HBS1L: variants seen among roughly 807,000 people sequenced by gnomAD.
HBS1L encodes the protein HBS1-like protein.
HBS1L carries 55 observed loss-of-function variants against 88.9 expected under a neutral mutation model. The ratio of observed to expected loss-of-function variants is 0.62; its 90% CI spans 0.50 to 0.77. The LOEUF is 0.77. HBS1L is among the 30% of genes least tolerant of loss of function. The pLI is 0.00. For missense variants in HBS1L, 741 were observed against 829.3 expected (o/e 0.89, Z 1.31); for synonymous variants, 267 against 288.5 (o/e 0.93, Z 0.76).
intron 2 of HBS1L, among the ~76,000 whole-genome samples, chr6:135,050,309 T>C (rs558938986): frequency 2.0e-5 from 3 of 152,316 alleles, no homozygotes; most frequent in African/African-American, 7.2e-5. Context: ...AAATTACCAT[T>C]TTAGTATATT....
At chr6:135,001,477 TCC>T (rs937325193) in intron 5 of HBS1L, among the ~76,000 whole-genome samples, 106 of 149,532 alleles carry the variant, frequency 7.1e-4, no homozygotes, top group African/African-American at 1.7e-3. Context: ...TCTATTTATT[TCC>T]CCCCTCTCTC....
At chr6:135,004,518 G>GA (rs11433393) in intron 4 of HBS1L, among the ~76,000 whole-genome samples, 71,843 of 151,750 alleles carry the variant, frequency 0.47, 17,241 homozygotes, top group South Asian at 0.56. Context: ...AGTGAGAGCA[G>GA]AGGGGAGCTA....
chr6:134,964,935 A>G lies in HBS1L; in HGVS notation c.*344T>C. ...AATTGAATCAAAAGAGAAAACTGCA[A>G]ATACATTGTGCTTTGGCCAGAAGTA... On this transcript the variant is annotated 3_prime_UTR_variant, in exon 18 of 18. Transcript: ENST00000367837. The G allele has an allele frequency of 3.4e-6, 1 of 292,708 alleles. No homozygotes were observed. The highest frequency in any genetic ancestry group is 6.4e-6 in the Non-Finnish European group (1 of 157,058). 18.1% of individuals were successfully genotyped at this position (292,708 alleles called of 1,614,324 possible).
intron 15 of HBS1L, among the ~76,000 whole-genome samples, chr6:134,973,749 C>G (rs1774561262): frequency 6.6e-6 from 1 of 151,782 alleles, no homozygotes; most frequent in South Asian, 2.1e-4. Flanking sequence ...GGCAGGAGAA[C>G]TGCTTGAGCC....
At chr6:134,978,883 TTAAG>T in intron 14 of HBS1L, 96 bp from the exon 15 acceptor site, 1 of 745,962 alleles carries the variant, frequency 1.3e-6, no homozygotes, top group Admixed American at 2.6e-5. Context: ...AGTAAAACAA[TTAAG>T]TAAATTAGGG....
intron 2 of HBS1L, 112 bp from the exon 3 acceptor site, chr6:135,042,238 C>T: frequency 6.6e-6 from 6 of 914,424 alleles, no homozygotes; most frequent in Non-Finnish European, 9.4e-6. Flanking sequence ...TATAGTTACC[C>T]ATATTTCATA....
intron 7 of HBS1L, among the ~76,000 whole-genome samples, chr6:134,996,477 G>A (rs972740976): frequency 1.3e-4 from 20 of 152,072 alleles, no homozygotes; most frequent in African/African-American, 2.4e-5. Context: ...TTAGGGAAGT[G>A]ACAACTGAAA....
chr6:135,049,364 A>G (rs1166132349), intron 2 of HBS1L, among the ~76,000 whole-genome samples: 1 of 151,852 alleles, frequency 6.6e-6, no homozygotes, highest in Non-Finnish European at 1.5e-5. Context: ...CAAGGGCCCC[A>G]CCTCCTAATA....
At chr6:134,973,005 T>C (rs1774534244) in intron 15 of HBS1L, among the ~76,000 whole-genome samples, 1 of 152,206 alleles carries the variant, frequency 6.6e-6, no homozygotes, top group South Asian at 2.1e-4. Flanking sequence ...GAATGTAAAA[T>C]GGTAGAGCCC....
At chr6:134,981,080 G>A (rs925990572) in intron 13 of HBS1L, among the ~76,000 whole-genome samples, 1 of 151,924 alleles carries the variant, frequency 6.6e-6, no homozygotes, top group Non-Finnish European at 1.5e-5. Context: ...TAAAGAATGT[G>A]AGACTTTCAG....
chr6:134,970,095 G>C (rs902561511), intron 15 of HBS1L, among the ~76,000 whole-genome samples: 1 of 152,110 alleles, frequency 6.6e-6, no homozygotes. Context: ...ACAGACCTGG[G>C]TTCAAGTCAC....
intron 4 of HBS1L, among the ~76,000 whole-genome samples, chr6:135,022,078 G>C (rs921115116): frequency 6.6e-6 from 1 of 152,056 alleles, no homozygotes; most frequent in African/African-American, 2.4e-5. Context: ...TTGTACCTCA[G>C]TTTTATGTCC....
intron 2 of HBS1L, among the ~76,000 whole-genome samples, chr6:135,044,121 C>G (rs1776836847): frequency 6.6e-6 from 1 of 152,162 alleles, no homozygotes; most frequent in South Asian, 2.1e-4. Context: ...ACAATATTAT[C>G]CTTTAGTTTC....
intron 5 of HBS1L, among the ~76,000 whole-genome samples, chr6:135,000,426 A>C (rs1775418416): frequency 6.6e-6 from 1 of 152,016 alleles, no homozygotes; most frequent in African/African-American, 2.4e-5. Context: ...TTCTAAAAGT[A>C]AACTATACAT....
intron 2 of HBS1L, among the ~76,000 whole-genome samples, chr6:135,044,595 G>C (rs545945938): frequency 6.6e-6 from 1 of 152,112 alleles, no homozygotes; most frequent in Non-Finnish European, 1.5e-5. Context: ...ATAATACTTA[G>C]ACTGATAGCC....
intron 15 of HBS1L, among the ~76,000 whole-genome samples, chr6:134,969,710 G>A (rs1270105625): frequency 6.6e-6 from 1 of 152,130 alleles, no homozygotes; most frequent in Non-Finnish European, 1.5e-5. Flanking sequence ...ATTACAAGTA[G>A]TAGTAGGGAA....
At chr6:135,037,998 T>A in intron 4 of HBS1L, 1 of 1,520,872 alleles carries the variant, frequency 6.6e-7, no homozygotes, top group South Asian at 1.3e-5. Flanking sequence ...CATTATCAGC[T>A]GAAACTTCAG....
intron 4 of HBS1L, among the ~76,000 whole-genome samples, chr6:135,014,733 G>A (rs1775868167): frequency 6.6e-6 from 1 of 151,284 alleles, no homozygotes; most frequent in African/African-American, 2.4e-5. Context: ...CATACAGATA[G>A]AGGCCGGCTA....
intron 7 of HBS1L, among the ~76,000 whole-genome samples, chr6:134,994,799 A>C (rs1775246018): frequency 6.6e-6 from 1 of 152,114 alleles, no homozygotes; most frequent in African/African-American, 2.4e-5. Flanking sequence ...CTGTATAAGA[A>C]GGCCCAAGGA....
Sources: gnomAD v4.1 joint callset for allele counts (sites outside exome capture counted in the v4.1 genomes callset) on GRCh38, gnomAD v4.1.1 for gene constraint, MANE v1.5 for transcripts, NCBI Gene and HGNC (gene_info 2026-07-23, HGNC 2026-07-21) for gene names.